DGLUCY: variants seen among roughly 807,000 people sequenced by gnomAD.
DGLUCY encodes the protein D-glutamate cyclase.
In DGLUCY, 58 loss-of-function variants were observed where a neutral mutation model predicts 58.5. That is an observed-to-expected ratio of 0.99 (90% CI 0.80 to 1.23). The LOEUF (loss-of-function observed/expected upper bound fraction) is 1.23. Ranked by LOEUF, DGLUCY falls within the 50% of genes most tolerant of loss-of-function variation. DGLUCY has a pLI of 0.00. For synonymous variants in DGLUCY, 325 were observed against 314.1 expected (o/e 1.03, Z -0.37); for missense variants, 779 against 784.7 (o/e 0.99, Z 0.09).
chr14:91,158,925 G>C (rs992561945), intron 2 of DGLUCY: 1 of 150,912 alleles, frequency 6.6e-6, no homozygotes. Context: ...GACCTCCTGG[G>C]ATCAAGTGGT....
chr14:91,077,738 G>A lies in DGLUCY; in HGVS notation c.-82+17034G>A, dbSNP rs184632745. Among the ~76,000 whole-genome samples the A allele has an allele frequency of 4.0e-3, 573 of 144,638 alleles. 5 individuals are homozygous for A. The highest frequency in any genetic ancestry group is 0.013 in the African/African-American group (520 of 39,186). 94.9% of individuals were successfully genotyped at this position (144,638 alleles called of 152,430 possible). The stretch of plus-strand genomic sequence containing the variant: ...CTGCTCTCCAGCCTGGTGACAGAGC[G>A]AGACTCTGTCTCAAAAAAAAAAAAA... On this transcript the variant is annotated intron_variant, in intron 1 of 4. Coordinates refer to the DGLUCY transcript ENST00000521334.
intron 1 of DGLUCY, among the ~76,000 whole-genome samples, chr14:91,096,407 G>A (rs1421055515): frequency 6.9e-6 from 1 of 144,776 alleles, no homozygotes; most frequent in Non-Finnish European, 1.5e-5. Flanking sequence ...GGGTGACAGA[G>A]CGAGACTCCA....
At chr14:91,082,051 C>T (rs1273754080) in intron 1 of DGLUCY, among the ~76,000 whole-genome samples, 3 of 152,070 alleles carry the variant, frequency 2.0e-5, no homozygotes, top group African/African-American at 7.2e-5. Flanking sequence ...AATTTCATCA[C>T]GTAAAGTAAC....
intron 1 of DGLUCY, among the ~76,000 whole-genome samples, chr14:91,139,163 C>T (rs1245974723): frequency 6.6e-6 from 1 of 152,150 alleles, no homozygotes; most frequent in Non-Finnish European, 1.5e-5. Context: ...GTCCAAAGGC[C>T]TGAGGACCAG....
intron 1 of DGLUCY, among the ~76,000 whole-genome samples, chr14:91,089,133 G>T (rs1364669754): frequency 6.6e-6 from 1 of 152,216 alleles, no homozygotes; most frequent in African/African-American, 2.4e-5. Context: ...CTAGACAGCT[G>T]CAAGATTCTG....
intron 9 of DGLUCY, among the ~76,000 whole-genome samples, chr14:91,191,324 A>G (rs763144337): frequency 1.3e-5 from 2 of 152,180 alleles, no homozygotes; most frequent in African/African-American, 4.8e-5. Flanking sequence ...AGTTGTTTAT[A>G]GGTACAGGGG....
At chr14:91,160,921 T>C (rs888507391) in intron 3 of DGLUCY, among the ~76,000 whole-genome samples, 16 of 152,174 alleles carry the variant, frequency 1.1e-4, no homozygotes, top group Non-Finnish European at 2.9e-5. Context: ...AAAAGACTCG[T>C]CTGGTTATGG....
upstream of DGLUCY, among the ~76,000 whole-genome samples, chr14:91,104,156 G>C (rs867567902): frequency 6.8e-6 from 1 of 146,576 alleles, no homozygotes; most frequent in East Asian, 2.0e-4. Context: ...TCCGCCTCCC[G>C]GGTTCACACC....
intron 1 of DGLUCY, among the ~76,000 whole-genome samples, chr14:91,147,544 T>C (rs1158798691): frequency 2.6e-5 from 4 of 152,198 alleles, no homozygotes; most frequent in African/African-American, 9.6e-5. Flanking sequence ...AGGCTGTTGA[T>C]AGATGAATGT....
chr14:91,174,842 C>T (rs2048769760), intron 6 of DGLUCY, among the ~76,000 whole-genome samples: 1 of 152,112 alleles, frequency 6.6e-6, no homozygotes, highest in Non-Finnish European at 1.5e-5. Context: ...ATGCTATCTC[C>T]AGGTGGAATG....
rs928049925 is a variant in DGLUCY at position 91,127,112 on chromosome 14, A to G, written c.-82+12829A>G. ...CCCTCTGTCACCCAGGCTGAAGTGC[A>G]GTGGCACAAGTATGGCTCACTACAG... On this transcript the variant is annotated intron_variant, in intron 1 of 13. Transcript: ENST00000256324. 1.2e-4 allele frequency among the ~76,000 whole-genome samples: 17 copies of G among 136,040 alleles called. 1 individual carries two copies. Among genetic ancestry groups the G allele is most frequent in the African/African-American group, 4.2e-4 (15 of 36,032 alleles). 89.2% of individuals were successfully genotyped at this position (136,040 alleles called of 152,430 possible).
chr14:91,161,350 G>A (rs1322805254), intron 3 of DGLUCY, among the ~76,000 whole-genome samples: 1 of 152,242 alleles, frequency 6.6e-6, no homozygotes, highest in South Asian at 2.1e-4. Context: ...AGTTACAGGT[G>A]TGAGCCACCG....
intron 8 of DGLUCY, among the ~76,000 whole-genome samples, chr14:91,186,317 G>T (rs961869925): frequency 2.6e-5 from 4 of 152,046 alleles, no homozygotes; most frequent in African/African-American, 9.7e-5. Context: ...TGCGATCTCA[G>T]CTCACTGCAG....
At chr14:91,218,572 T>G (rs1886956552) in intron 13 of DGLUCY, among the ~76,000 whole-genome samples, 1 of 151,792 alleles carries the variant, frequency 6.6e-6, no homozygotes, top group Admixed American at 6.6e-5. Context: ...CCGGCTAATT[T>G]TTGTATTTTT....
intron 1 of DGLUCY, among the ~76,000 whole-genome samples, chr14:91,092,400 A>G (rs2044326698): frequency 6.6e-6 from 1 of 152,202 alleles, no homozygotes; most frequent in East Asian, 1.9e-4. Context: ...GGTTTCTTTT[A>G]GTGTTGCTGT....
At chr14:91,085,681 T>C (rs1283524774) in intron 1 of DGLUCY, among the ~76,000 whole-genome samples, 2 of 151,872 alleles carry the variant, frequency 1.3e-5, no homozygotes, top group Non-Finnish European at 2.9e-5. Context: ...GCGATTCTCC[T>C]GCCTCAGCCT....
Position 91,079,424 on chromosome 14 carries a change from G to A in DGLUCY, c.-82+18720G>A, listed in dbSNP as rs2044087767. ...GGCTGGAGTGCCGTGGTGCAGTCTC[G>A]CTCACTGCAACCTCCGCCTCCCAGG... On this transcript the variant is annotated intron_variant, in intron 1 of 4. Coordinates refer to the DGLUCY transcript ENST00000521334. 3.4e-5 allele frequency among the ~76,000 whole-genome samples: 5 copies of A among 149,212 alleles called. No individual in the cohort carries two copies. In the Admixed American group the frequency reaches 3.4e-4, roughly 10 times the overall value.
At chr14:91,219,592 G>T (rs1023243966) in intron 13 of DGLUCY, among the ~76,000 whole-genome samples, 1 of 152,198 alleles carries the variant, frequency 6.6e-6, no homozygotes, top group Non-Finnish European at 1.5e-5. Context: ...GGTTCTTAAG[G>T]ATCTCACTGT....
At chr14:91,199,609 C>A in intron 10 of DGLUCY, 148 bp from the exon 11 acceptor site, 1 of 882,114 alleles carries the variant, frequency 1.1e-6, no homozygotes. Flanking sequence ...GGTCCTGGCC[C>A]AGAGTAGATG....
Sources: gnomAD v4.1 joint callset for allele counts (sites outside exome capture counted in the v4.1 genomes callset) on GRCh38, gnomAD v4.1.1 for gene constraint, MANE v1.5 for transcripts, NCBI Gene and HGNC (gene_info 2026-07-23, HGNC 2026-07-21) for gene names.